The following TBL3 variants were observed in gnomAD, a reference collection of about 807,000 sequenced individuals.
TBL3 encodes transducin beta-like protein 3.
In TBL3, 71 loss-of-function variants were observed where a neutral mutation model predicts 102.7. That is an observed-to-expected ratio of 0.69 (90% CI 0.57 to 0.84). The LOEUF (loss-of-function observed/expected upper bound fraction) is 0.84. Ranked by LOEUF, TBL3 falls within the 40% of genes least tolerant of loss-of-function variation. The pLI, the probability that TBL3 is intolerant of heterozygous loss-of-function variation, is 0.00. For synonymous variants in TBL3, 578 were observed against 477.7 expected, an observed-to-expected ratio of 1.21 and a Z score of -2.74; for missense variants, 1,188 against 1,098.5, an observed-to-expected ratio of 1.08 and a Z score of -1.15.
intron 1 of TBL3, among the ~76,000 whole-genome samples, chr16:1,972,836 G>T (rs2083370082): frequency 6.6e-6 from 1 of 152,194 alleles, no homozygotes; most frequent in South Asian, 2.1e-4. Context: ...AACTGGGTGC[G>T]GGGGCTGAGG....
chr16:1,978,087 G>T, intron 19 of TBL3, 26 bp downstream of exon 19: 1 of 1,606,916 alleles, frequency 6.2e-7, no homozygotes. Context: ...GGGGGGCGAG[G>T]GGCTGGGTCT....
At chr16:1,977,468 C>CGGGGGGGGGGGGGGGGGGGGG in intron 16 of TBL3, 42 bp downstream of exon 16, 1 of 568,444 alleles carries the variant, frequency 1.8e-6, no homozygotes, top group Non-Finnish European at 3.1e-6. Flanking sequence ...TGGGGGGTGG[C>CGGGGGGGGGGGGGGGGGGGGG]GGGGGGACCT....
rs777062068 is a variant in TBL3, at chr16:1,974,194, C to A, written c.94-3C>A. ...TGCCTGGCTGAGACCTCTCTGTCCCCAGCTGGACCAGACTGGCCAGCACCT... is the reference window on the plus strand; with the variant it reads ...TGCCTGGCTGAGACCTCTCTGTCCCAAGCTGGACCAGACTGGCCAGCACCT... On this transcript the variant is annotated splice_polypyrimidine_tract_variant and splice_region_variant and intron_variant, in intron 2 of 21. Coordinates refer to ENST00000568546, the MANE Select transcript of TBL3 (RefSeq NM_006453.3). 1 of 1,579,986 alleles carries A rather than the reference C, an allele frequency of 6.3e-7. No homozygotes were observed. Among genetic ancestry groups the A allele is most frequent in the Non-Finnish European group, 8.6e-7 (1 of 1,160,552 alleles).
chr16:1,974,017 G>C (rs2083379065), intron 1 of TBL3, 39 bp from the exon 2 acceptor site: 2 of 1,513,504 alleles, frequency 1.3e-6, no homozygotes, highest in Middle Eastern at 2.0e-4. Flanking sequence ...GGGACTGAGG[G>C]GGTGGGTGGT....
In TBL3 at chr16:1,975,183, T is replaced by C. The variant is rs2083390767; in HGVS notation, c.636-4T>C. 1.2e-6 allele frequency: 2 copies of C among 1,613,762 alleles called. No individual in the cohort carries two copies. Among genetic ancestry groups the C allele is most frequent in the Non-Finnish European group, 1.7e-6 (2 of 1,180,006 alleles). On this transcript the variant is annotated splice_polypyrimidine_tract_variant and splice_region_variant and intron_variant, in intron 7 of 21. Transcript: ENST00000568546. ...TTGACCTGAGGTTGCCGTTGCTCCT[T>C]CAGCTCCGGCCGTGACAAGATATGT...
In TBL3 at chr16:1,975,857, A is replaced by C. The variant is rs745393526; in HGVS notation, c.1037A>C (p.Glu346Ala). ...EVLDVRFLGP[E>A]DSHVVVASNS... ...TTGGATGTCCGGTTTCTTGGGCCCG[A>C]GGACTCCCACGTTGTCGTGGCCTCC... The change falls in exon 11 of 22, where the codon GAG (glutamate) becomes GCG (alanine). Residue 346 changes from glutamate to alanine, a missense_variant. Transcript: ENST00000568546. 6.2e-7 allele frequency: 1 copy of C among 1,614,008 alleles called. No individual in the cohort carries two copies. The highest frequency in any genetic ancestry group is 8.5e-7 in the Non-Finnish European group (1 of 1,180,018).
Position 1,980,658 on chromosome 16 carries a change from A to G in TBL3, c.*1973A>G, listed in dbSNP as rs998887127. On this transcript the variant is annotated 3_prime_UTR_variant, in exon 22 of 22. Coordinates refer to ENST00000568546, the MANE Select transcript of TBL3 (RefSeq NM_006453.3). ...TCCCGTACCCAGGCTGGCCTGACCG[A>G]GAAGCTTTGGGAGAACGCGGTCAGA... The G allele has an allele frequency of 6.2e-7, 1 of 1,605,864 alleles. No homozygotes were observed. The highest frequency in any genetic ancestry group is 2.2e-5 in the East Asian group (1 of 44,644).
chr16:1,975,141 G>C, intron 7 of TBL3, 43 bp downstream of exon 7: 1 of 1,613,478 alleles, frequency 6.2e-7, no homozygotes, highest in South Asian at 1.1e-5. Flanking sequence ...TTGGAAAGTG[G>C]GGGCTGAGGC....
Position 1,981,491 on chromosome 16 carries a change from C to A in TBL3, c.*2806C>A. 2.1e-6 allele frequency: 1 copy of A among 465,424 alleles called. No individual in the cohort carries two copies. Among genetic ancestry groups the A allele is most frequent in the South Asian group, 3.1e-5 (1 of 32,002 alleles). 28.8% of individuals were successfully genotyped at this position (465,424 alleles called of 1,614,324 possible). A position where few individuals can be genotyped will look rare whatever the true frequency, so the allele number is the denominator to read the frequency against. On this transcript the variant is annotated 3_prime_UTR_variant, in exon 22 of 22. Coordinates refer to ENST00000568546, the MANE Select transcript of TBL3 (RefSeq NM_006453.3). ...GACTGAAGAAGGGGCGAAGGGTAGG[C>A]GGGACTGCTGCCTGGGGCCCTCCTG...
Position 1,977,632 on chromosome 16 carries a change from C to G in TBL3, c.1861C>G (p.Leu621Val). 6.4e-7 allele frequency: 1 copy of G among 1,553,398 alleles called. No homozygotes were observed. Reference sequence around the variant, plus strand: ...CTGCAGCCGGCTGGACGACCACGCCCTCACTGGGGCCAGTGACTCCCGAGT... The same window carrying G: ...CTGCAGCCGGCTGGACGACCACGCCGTCACTGGGGCCAGTGACTCCCGAGT... ...LHCSRLDDHA[L>V]TGASDSRVIL... The change falls in exon 17 of 22, where the codon CTC (leucine) becomes GTC (valine). Residue 621 changes from leucine (L) to valine (V), a missense_variant. Leu to Val is a conservative substitution (Grantham distance 32). Transcript: ENST00000568546.
rs538395751 is a variant in TBL3, at chr16:1,974,495, G to C, written c.238-43G>C. Reference sequence around the variant, plus strand: ...CCAGACTGAGTCCAGGAAGATGTGAGCAGGGTATTGCTGCCCCTCTGCTGA... The same window carrying C: ...CCAGACTGAGTCCAGGAAGATGTGACCAGGGTATTGCTGCCCCTCTGCTGA... On this transcript the variant is annotated intron_variant, in intron 4 of 21. Coordinates refer to ENST00000568546, the MANE Select transcript of TBL3 (RefSeq NM_006453.3). The C allele has an allele frequency of 1.8e-5, 29 of 1,584,840 alleles. No individual in the cohort carries two copies. In the East Asian group the frequency reaches 6.5e-4, roughly 36 times the overall value.
chr16:1,979,421 G>C lies in TBL3; in HGVS notation c.*736G>C. ...CTGCCCTGCCCACGCCCGCTCCCGCGTACCTGCATAGCCACCAGCCGCGGT... is the reference window on the plus strand; with the variant it reads ...CTGCCCTGCCCACGCCCGCTCCCGCCTACCTGCATAGCCACCAGCCGCGGT... On this transcript the variant is annotated 3_prime_UTR_variant, in exon 22 of 22. Coordinates refer to ENST00000568546, the MANE Select transcript of TBL3 (RefSeq NM_006453.3). The C allele has an allele frequency of 1.2e-6, 2 of 1,606,914 alleles. No homozygotes were observed. Among genetic ancestry groups the C allele is most frequent in the South Asian group, 1.1e-5 (1 of 90,812 alleles).
In TBL3 at chr16:1,982,853, C is replaced by A. The variant is rs971325683; in HGVS notation, c.*4168C>A. 1.3e-5 allele frequency: 2 copies of A among 151,630 alleles called. No homozygotes were observed. Among genetic ancestry groups the A allele is most frequent in the African/African-American group, 2.4e-5 (1 of 41,202 alleles). The allele number at this position is 151,630 out of a possible 1,614,324, so 9.4% of individuals were successfully genotyped here. On this transcript the variant is annotated 3_prime_UTR_variant, in exon 22 of 22. Coordinates refer to ENST00000568546, the MANE Select transcript of TBL3 (RefSeq NM_006453.3). ...GAGATCACTTGAGCCTAAGCAGTCG[C>A]GGCTGCAGTGAACAAGATCGCGCCA...
chr16:1,972,258 C>T, intron 1 of TBL3, 53 bp downstream of exon 1: 1 of 1,300,662 alleles, frequency 7.7e-7, no homozygotes, highest in Non-Finnish European at 9.9e-7. Context: ...TTGCAGCCGG[C>T]ATAGCGGAGG....
chr16:1,974,264 C>T lies in TBL3; in HGVS notation c.161C>T (p.Ser54Leu), dbSNP rs372224239. The change falls in exon 3 of 22, where the codon TCG becomes TTG. Residue 54 changes from serine to leucine, a missense_variant. By Grantham distance (145) the Ser-to-Leu change is moderately radical. Coordinates refer to ENST00000568546, the MANE Select transcript of TBL3 (RefSeq NM_006453.3). ...AGAGTCAACATTCTGGAAGTGGCCT[C>T]GGGGGCCGTGCTGCGGAGTCTGGAG... ...GTRVNILEVA[S>L]GAVLRSLEQE... 1.4e-5 allele frequency: 22 copies of T among 1,601,870 alleles called. No homozygotes were observed. Among genetic ancestry groups the T allele is most frequent in the Middle Eastern group, 1.7e-4 (1 of 6,032 alleles).
chr16:1,975,616 G>A lies in TBL3; in HGVS notation c.893G>A (p.Cys298Tyr), dbSNP rs1846337767. Residue 298 changes from cysteine (C) to tyrosine (Y), a missense_variant, in exon 10 of 22, where the codon TGC becomes TAC. By Grantham distance (194) the Cys-to-Tyr change is radical. Coordinates refer to ENST00000568546, the MANE Select transcript of TBL3 (RefSeq NM_006453.3). Reference protein sequence around the residue: ...PPGPGQELTHCTLAHTAGVVL... With the variant: ...PPGPGQELTHYTLAHTAGVVL... ...GGCCCTGGGCAGGAGCTGACCCACT[G>A]CACCCTGGCACACACCGCCGGCGTG... The A allele has an allele frequency of 2.5e-6, 4 of 1,602,600 alleles. No individual in the cohort carries two copies. Among genetic ancestry groups the A allele is most frequent in the Admixed American group, 1.7e-5 (1 of 59,958 alleles).
rs959560463 is a variant in TBL3, at chr16:1,979,575, G to A, written c.*890G>A. 1.3e-6 allele frequency: 2 copies of A among 1,557,892 alleles called. No homozygotes were observed. Among genetic ancestry groups the A allele is most frequent in the Non-Finnish European group, 1.8e-6 (2 of 1,136,500 alleles). On this transcript the variant is annotated 3_prime_UTR_variant, in exon 22 of 22. Coordinates refer to ENST00000568546, the MANE Select transcript of TBL3 (RefSeq NM_006453.3). Reference sequence around the variant, plus strand: ...GAGTGGGTGTTTGGAGTCACCGCGGGGCCACAGAGGACGAGGCCCGCCCGC... The same window carrying A: ...GAGTGGGTGTTTGGAGTCACCGCGGAGCCACAGAGGACGAGGCCCGCCCGC...
At position 1,979,642 on chromosome 16, in the gene TBL3, G is replaced by A. The variant is rs746836254; in HGVS notation, c.*957G>A. The A allele has an allele frequency of 7.0e-6, 9 of 1,293,532 alleles. No individual in the cohort carries two copies. Among genetic ancestry groups the A allele is most frequent in the African/African-American group, 1.5e-5 (1 of 68,558 alleles). The allele number at this position is 1,293,532 out of a possible 1,614,324, so 80.1% of individuals were successfully genotyped here. On this transcript the variant is annotated 3_prime_UTR_variant, in exon 22 of 22. Coordinates refer to ENST00000568546, the MANE Select transcript of TBL3 (RefSeq NM_006453.3). ...TCCTTGCTTGAGTCTGCTGACGGCGGGGCCGCTCTAAGACCGGTTCGGGGC... is the reference window on the plus strand; with the variant it reads ...TCCTTGCTTGAGTCTGCTGACGGCGAGGCCGCTCTAAGACCGGTTCGGGGC...
rs767016899 is a variant in TBL3, at chr16:1,979,926, G to A, written c.*1241G>A. The A allele has an allele frequency of 1.3e-6, 2 of 1,576,708 alleles. No homozygotes were observed. The highest frequency in any genetic ancestry group is 2.3e-5 in the East Asian group (1 of 42,930). On this transcript the variant is annotated 3_prime_UTR_variant, in exon 22 of 22. Coordinates refer to ENST00000568546, the MANE Select transcript of TBL3 (RefSeq NM_006453.3). The stretch of plus-strand genomic sequence containing the variant: ...AGCCTGTGCGCAAGAAGCGGGCAGG[G>A]ACTCAAATCTCGAGGCTCCCTCGGG...
Sources: gnomAD v4.1 joint callset for allele counts (sites outside exome capture counted in the v4.1 genomes callset) on GRCh38, gnomAD v4.1.1 for gene constraint, MANE v1.5 for transcripts, NCBI Gene and HGNC (gene_info 2026-07-23, HGNC 2026-07-21) for gene names.